CD163L1: variants seen among roughly 807,000 people sequenced by gnomAD.
CD163L1 encodes the protein CD163 molecule like 1.
In CD163L1, 124 loss-of-function variants were observed where a neutral mutation model predicts 165.4. The ratio of observed to expected loss-of-function variants is 0.75; its 90% CI spans 0.65 to 0.87. The LOEUF is 0.87. Ranked by LOEUF, CD163L1 falls within the 40% of genes least tolerant of loss-of-function variation. CD163L1 has a pLI of 0.00. For missense variants in CD163L1, 1,525 were observed against 1,799.9 expected, an observed-to-expected ratio of 0.85 and a Z score of 2.76; for synonymous variants, 585 against 662.2, an observed-to-expected ratio of 0.88 and a Z score of 1.79.
the CD163L1 span, chr12:7,323,206 A>G: frequency 7.0e-4 from 1,099 of 1,567,268 alleles, 1 homozygote; most frequent in Middle Eastern, 1.0e-3. Context: ...ACTTTTGTAT[A>G]CTTATACAAA....
chr12:7,369,277 A>C lies in CD163L1; in HGVS notation c.4039+80T>G. On this transcript the variant is annotated intron_variant, in intron 15 of 19. Transcript: ENST00000313599. This position sits in a 1 kb window ranked among gnomAD's most constrained non-coding sequence, Gnocchi z 4.9. Reference sequence around the variant, plus strand: ...AAGAAATCCTAGTATCTTCAGCTCAACTCTCTGAGTGAGCCTGTTTCCCAG... The same window carrying C: ...AAGAAATCCTAGTATCTTCAGCTCACCTCTCTGAGTGAGCCTGTTTCCCAG... 7.0e-7 allele frequency: 1 copy of C among 1,424,456 alleles called. No individual in the cohort carries two copies. Among genetic ancestry groups the C allele is most frequent in the Non-Finnish European group, 9.7e-7 (1 of 1,035,364 alleles). 88.2% of individuals were successfully genotyped at this position (1,424,456 alleles called of 1,614,324 possible).
the CD163L1 span, among the ~76,000 whole-genome samples, chr12:7,336,405 A>G: frequency 3.9e-5 from 6 of 152,296 alleles, no homozygotes; most frequent in African/African-American, 9.6e-5. Flanking sequence ...AACTATTGCG[A>G]GGACAAAAAA....
downstream of CD163L1, among the ~76,000 whole-genome samples, chr12:7,354,434 C>A (rs1946736126): frequency 1.3e-5 from 2 of 152,040 alleles, no homozygotes; most frequent in Admixed American, 6.6e-5. Context: ...TTCTGACATT[C>A]AATTTTGAAA....
downstream of CD163L1, among the ~76,000 whole-genome samples, chr12:7,354,660 C>T (rs1946739160): frequency 6.6e-6 from 1 of 152,048 alleles, no homozygotes; most frequent in African/African-American, 2.4e-5. Flanking sequence ...TTTTCCCTCA[C>T]AGTTTGGGAA....
chr12:7,437,038 A>T (rs1262512730), intron 2 of CD163L1, among the ~76,000 whole-genome samples: 1 of 150,018 alleles, frequency 6.7e-6, no homozygotes, highest in African/African-American at 2.4e-5. Context: ...ATTTTCTTGA[A>T]ACATTATTAT....
downstream of CD163L1, among the ~76,000 whole-genome samples, chr12:7,342,362 A>G (rs140555130): frequency 2.0e-3 from 310 of 152,292 alleles, 3 homozygotes; most frequent in African/African-American, 7.3e-3. Context: ...AGCCAAACCC[A>G]TCCCTTTATT....
At chr12:7,327,983 T>C in the CD163L1 span, among the ~76,000 whole-genome samples, 1 of 152,106 alleles carries the variant, frequency 6.6e-6, no homozygotes, top group East Asian at 1.9e-4. Flanking sequence ...AATCTCCATT[T>C]CTCGGGAACA....
At chr12:7,334,815 G>A in the CD163L1 span, among the ~76,000 whole-genome samples, 2 of 152,056 alleles carry the variant, frequency 1.3e-5, no homozygotes, top group African/African-American at 4.8e-5. Flanking sequence ...AAATCAATAT[G>A]CAAAAATCAC....
At chr12:7,345,084 T>C (rs1410564102), downstream of CD163L1, among the ~76,000 whole-genome samples, 1 of 152,088 alleles carries the variant, frequency 6.6e-6, no homozygotes, top group East Asian at 1.9e-4. Context: ...CAAGTATCTC[T>C]AGAAAGTGGT....
intron 8 of CD163L1, among the ~76,000 whole-genome samples, chr12:7,386,125 A>G (rs12315275): frequency 0.012 from 1,883 of 152,148 alleles, 47 homozygotes; most frequent in African/African-American, 0.042. Context: ...ATCACAAACA[A>G]AAAGAGAAAC....
chr12:7,433,636 C>T lies in CD163L1; in HGVS notation c.183G>A (p.Val61=), dbSNP rs773248221. The change falls in exon 3 of 20, where the codon GTG becomes GTA. Residue 61 remains valine (V), a synonymous_variant. Coordinates refer to ENST00000313599, the MANE Select transcript of CD163L1 (RefSeq NM_174941.6). ...CCCACTGTCCCTGGAATTTCACCTC[C>T]ACTGTCCCAGAGCAGGGACCGTCTC... ...VNGDGPCSGT[V]EVKFQGQWGT... is the part of the protein sequence containing the mutation. 1 of 1,614,136 alleles carries T rather than the reference C, an allele frequency of 6.2e-7. No individual in the cohort carries two copies. Among genetic ancestry groups the T allele is most frequent in the Non-Finnish European group, 8.5e-7 (1 of 1,179,994 alleles).
At chr12:7,422,000 G>T (rs899212034) in intron 4 of CD163L1, among the ~76,000 whole-genome samples, 2 of 152,192 alleles carry the variant, frequency 1.3e-5, no homozygotes, top group Admixed American at 1.3e-4. Flanking sequence ...GACTGGGAGA[G>T]AACTCCTAAC....
chr12:7,341,816 G>A (rs1565761788), downstream of CD163L1, among the ~76,000 whole-genome samples: 1 of 152,138 alleles, frequency 6.6e-6, no homozygotes, highest in Non-Finnish European at 1.5e-5. Flanking sequence ...AGCCTATATG[G>A]AATTACCTGT....
chr12:7,434,572 T>C (rs182612672), intron 2 of CD163L1, among the ~76,000 whole-genome samples: 1 of 152,148 alleles, frequency 6.6e-6, no homozygotes, highest in African/African-American at 2.4e-5. Context: ...TATGGTGAAT[T>C]CTGTGCATAT....
chr12:7,411,212 C>T (rs193149950), intron 4 of CD163L1, among the ~76,000 whole-genome samples: 132 of 152,190 alleles, frequency 8.7e-4, no homozygotes, highest in African/African-American at 3.1e-3. Context: ...TGATATTGCT[C>T]GTTTCCTTTT....
chr12:7,375,726 C>G lies in CD163L1; in HGVS notation c.2660G>C (p.Ser887Thr), dbSNP rs1393367030. 8 of 1,614,228 alleles carry G rather than the reference C, an allele frequency of 5.0e-6. No homozygotes were observed. The highest frequency in any genetic ancestry group is 6.8e-6 in the Non-Finnish European group (8 of 1,180,032). Residue 887 changes from serine to threonine, a missense_variant, in exon 10 of 20, where the codon AGC (serine) becomes ACC (threonine). Transcript: ENST00000313599. ...GGAACAGACAACTCCAACTTCTCTG[C>G]TGTGGATACAAGTGTCTTCCGGATG... ...VQHPEDTCIH[S>T]REVGVVCSRY...
At position 7,374,392 on chromosome 12, in the gene CD163L1, A is replaced by C; in HGVS notation, c.3409+50T>G. On this transcript the variant is annotated intron_variant, in intron 13 of 19. Transcript: ENST00000313599. The surrounding 1 kb of genome is among the most constrained non-coding windows in gnomAD (Gnocchi z 5.4). The stretch of plus-strand genomic sequence containing the variant: ...CTTTACAATTGTGTTGTGTGTGTGC[A>C]AGTGTGTGCACGTGTGTGTAGAGGA... 1 of 1,528,628 alleles carries C rather than the reference A, an allele frequency of 6.5e-7. No homozygotes were observed. Among genetic ancestry groups the C allele is most frequent in the South Asian group, 1.2e-5 (1 of 80,134 alleles). 94.7% of individuals were successfully genotyped at this position (1,528,628 alleles called of 1,614,324 possible). A position where few individuals can be genotyped will look rare whatever the true frequency, so the allele number is the denominator to read the frequency against.
chr12:7,413,078 T>G (rs774188354), intron 4 of CD163L1, among the ~76,000 whole-genome samples: 2 of 111,302 alleles, frequency 1.8e-5, no homozygotes, highest in South Asian at 2.9e-4. Flanking sequence ...AGCGACAGAG[T>G]GAGACTCCAT....
intron 2 of CD163L1, among the ~76,000 whole-genome samples, chr12:7,437,786 T>C (rs1349825882): frequency 4.6e-5 from 7 of 151,674 alleles, no homozygotes; most frequent in Non-Finnish European, 8.8e-5. Flanking sequence ...CATTAAATCC[T>C]CTTCACACAA....
Sources: gnomAD v4.1 joint callset for allele counts (sites outside exome capture counted in the v4.1 genomes callset) on GRCh38, gnomAD v4.1.1 for gene constraint, Gnocchi (gnomAD v3.1) non-coding constraint, MANE v1.5 for transcripts, NCBI Gene and HGNC (gene_info 2026-07-23, HGNC 2026-07-21) for gene names.